The following FGF13 variants were observed in gnomAD, a reference collection of about 807,000 sequenced individuals.
FGF13 encodes the protein fibroblast growth factor 13.
A neutral mutation model predicts 19.5 loss-of-function variants in FGF13; 2 were observed. That is an observed-to-expected ratio of 0.10 (90% CI 0.04 to 0.32). The LOEUF is 0.32. Among genes scored for constraint, FGF13 ranks in the 10% least tolerant of loss-of-function variants. The probability of loss-of-function intolerance (pLI) is 1.00; values close to 1 mark genes in which losing one functional copy is unlikely to be tolerated. For missense variants in FGF13, 113 were observed against 192.7 expected (o/e 0.59, Z 2.45); for synonymous variants, 72 against 76.9 (o/e 0.94, Z 0.33).
intron 4 of FGF13, among the ~76,000 whole-genome samples, chrX:138,634,324 G>A (rs1037525533): frequency 8.9e-6 from 1 of 111,886 alleles, no homozygotes; most frequent in Non-Finnish European, 1.9e-5. Context: ...TGATCCGCCC[G>A]CCTCGGCCTC....
intron 1 of FGF13, among the ~76,000 whole-genome samples, chrX:138,900,790 C>T (rs1046012087): frequency 9.0e-6 from 1 of 111,592 alleles, no homozygotes; most frequent in Non-Finnish European, 1.9e-5. Flanking sequence ...GGCCACTTCC[C>T]TGGCCTTATC....
chrX:138,888,802 T>C (rs185013365), intron 1 of FGF13, among the ~76,000 whole-genome samples: 376 of 111,764 alleles, frequency 3.4e-3, no homozygotes, highest in African/African-American at 0.011. Flanking sequence ...CAATTCAGTA[T>C]TATCATGCCT....
At chrX:139,106,191 A>G (rs1244826661) in intron 1 of FGF13, among the ~76,000 whole-genome samples, 1 of 112,216 alleles carries the variant, frequency 8.9e-6, no homozygotes, top group Non-Finnish European at 1.9e-5. Flanking sequence ...CTTCCAGCTG[A>G]CAGAGCACAT....
At chrX:138,869,850 G>T (rs941127909) in intron 1 of FGF13, among the ~76,000 whole-genome samples, 8 of 111,752 alleles carry the variant, frequency 7.2e-5, no homozygotes, top group Non-Finnish European at 1.3e-4. Flanking sequence ...AGTAAATAGC[G>T]CTGGTGTTTA....
chrX:138,709,221 T>C (rs1179861985), intron 1 of FGF13, among the ~76,000 whole-genome samples: 1 of 112,538 alleles, frequency 8.9e-6, no homozygotes, highest in Non-Finnish European at 1.9e-5. Flanking sequence ...TGAGTATTTG[T>C]AATGGGTTGG....
intron 1 of FGF13, among the ~76,000 whole-genome samples, chrX:138,736,274 G>A (rs1201291184): frequency 8.9e-6 from 1 of 111,882 alleles, no homozygotes; most frequent in Non-Finnish European, 1.9e-5. Flanking sequence ...CAGTTTCTAA[G>A]GCAAATGGCA....
At chrX:139,115,757 T>G (rs1210016974) in intron 1 of FGF13, among the ~76,000 whole-genome samples, 2 of 112,956 alleles carry the variant, frequency 1.8e-5, no homozygotes, top group African/African-American at 6.4e-5. Context: ...CTTTCAATAA[T>G]TGTTCATTTT....
intron 1 of FGF13, among the ~76,000 whole-genome samples, chrX:139,040,365 C>A (rs993774305): frequency 8.9e-6 from 1 of 111,889 alleles, no homozygotes; most frequent in Non-Finnish European, 1.9e-5. Flanking sequence ...AATTGTGTTT[C>A]ATTGAAGGAT....
At chrX:139,155,263 C>G (rs952100430) in intron 1 of FGF13, among the ~76,000 whole-genome samples, 1 of 112,277 alleles carries the variant, frequency 8.9e-6, no homozygotes, top group Non-Finnish European at 1.9e-5. Context: ...CTTGAAGCCT[C>G]TTCTTAATGA....
intron 1 of FGF13, among the ~76,000 whole-genome samples, chrX:138,876,725 G>T (rs750465192): frequency 8.9e-6 from 1 of 112,128 alleles, no homozygotes; most frequent in South Asian, 3.7e-4. Flanking sequence ...GCATTCACTG[G>T]CAGAGAGTTT....
At chrX:139,173,201 G>T (rs1321957243) in intron 1 of FGF13, among the ~76,000 whole-genome samples, 2 of 111,175 alleles carry the variant, frequency 1.8e-5, no homozygotes, top group African/African-American at 6.5e-5. Flanking sequence ...GCAATATGGT[G>T]TGCTACAAGA....
intron 3 of FGF13, among the ~76,000 whole-genome samples, chrX:138,697,953 C>CA (rs1351882339): frequency 9.0e-6 from 1 of 111,405 alleles, no homozygotes; most frequent in East Asian, 2.8e-4. Context: ...AGCTTGTGTA[C>CA]AACTCCTTAT....
intron 3 of FGF13, among the ~76,000 whole-genome samples, chrX:138,688,672 A>G (rs946324960): frequency 2.7e-5 from 3 of 111,645 alleles, no homozygotes; most frequent in Non-Finnish European, 3.8e-5. Flanking sequence ...TTTGGTTCCA[A>G]TTTTTAAACT....
At chrX:139,104,906 A>G (rs1405740884) in intron 1 of FGF13, among the ~76,000 whole-genome samples, 1 of 111,424 alleles carries the variant, frequency 9.0e-6, no homozygotes, top group East Asian at 2.8e-4. Flanking sequence ...GGGGAGACAA[A>G]CATTCAGTCA....
rs760196159 is a variant in FGF13 at position 139,066,862 on chromosome X, C to T, written c.-113+136554G>A. Among the ~76,000 whole-genome samples, 228 of 110,486 alleles carry T rather than the reference C, an allele frequency of 2.1e-3. 1 individual carries two copies. The highest frequency in any genetic ancestry group is 7.4e-3 in the African/African-American group (224 of 30,394). On this transcript the variant is annotated intron_variant, in intron 1 of 2. Coordinates refer to the FGF13 transcript ENST00000421460. ...ATTTCAGGCCAATATCCCTGATGAA[C>T]ATCCATGCGAAAATCCTCAATAAAA... is the stretch of plus-strand genomic sequence containing the variant.
At chrX:139,033,049 A>AAC (rs1556340443) in intron 1 of FGF13, among the ~76,000 whole-genome samples, 1 of 102,803 alleles carries the variant, frequency 9.7e-6, no homozygotes, top group Non-Finnish European at 2.0e-5. Flanking sequence ...AAAAAAAAAA[A>AAC]AAAAAACTAC....
At chrX:138,703,245 C>A (rs749789738) in intron 2 of FGF13, among the ~76,000 whole-genome samples, 158 bp from the exon 3 acceptor site, 45 of 111,722 alleles carry the variant, frequency 4.0e-4, no homozygotes, top group Non-Finnish European at 7.2e-4. Flanking sequence ...ACATACAGAC[C>A]CCCACAAACA....
At chrX:138,799,048 T>A (rs1043395963) in intron 3 of FGF13, among the ~76,000 whole-genome samples, 5 of 112,005 alleles carry the variant, frequency 4.5e-5, no homozygotes, top group Non-Finnish European at 7.5e-5. Context: ...GTTTTTTGTG[T>A]CTCTATCTCC....
upstream of FGF13, among the ~76,000 whole-genome samples, chrX:138,740,634 C>A (rs187685510): frequency 6.0e-4 from 67 of 111,349 alleles, no homozygotes; most frequent in Middle Eastern, 0.014. Flanking sequence ...GTCCCCTATA[C>A]CCCAATAGCC....
Sources: gnomAD v4.1 joint callset for allele counts (sites outside exome capture counted in the v4.1 genomes callset) on GRCh38, gnomAD v4.1.1 for gene constraint, MANE v1.5 for transcripts, NCBI Gene and HGNC (gene_info 2026-07-23, HGNC 2026-07-21) for gene names.